CEP290: variants seen among roughly 807,000 people sequenced by gnomAD.
The protein encoded by CEP290 is centrosomal protein 290.
Under a neutral mutation model 344.9 loss-of-function variants are expected in CEP290, and 317 were observed. The ratio of observed to expected loss-of-function variants is 0.92; its 90% CI spans 0.84 to 1.01. The LOEUF is 1.01. Among genes scored for constraint, CEP290 ranks in the 50% least tolerant of loss-of-function variants. The probability of loss-of-function intolerance (pLI) is 0.00; values close to 1 mark genes in which losing one functional copy is unlikely to be tolerated. For synonymous variants in CEP290, 932 were observed against 895.8 expected, an observed-to-expected ratio of 1.04 and a Z score of -0.72; for missense variants, 2,754 against 2,761.4, an observed-to-expected ratio of 1.00 and a Z score of 0.06.
In CEP290 at chr12:88,049,331, G is replaced by C; in HGVS notation, c.7293C>G (p.Tyr2431Ter). ...FEEIEDLKYN[Y>*]KEEVKKNILL... ...GAATATTCTTCTTCACTTCTTCCTT[G>C]TAATTATACTTAAGATCTTCAATTT... The change falls in exon 54 of 54, where the codon TAC (tyrosine) becomes TAG (stop). Residue 2431 changes from tyrosine to a stop codon, truncating the protein, a stop_gained. Transcript: ENST00000552810. LOFTEE classifies it high-confidence loss of function. 1 of 1,585,552 alleles carries C rather than the reference G, an allele frequency of 6.3e-7. No homozygotes were observed. The highest frequency in any genetic ancestry group is 8.6e-7 in the Non-Finnish European group (1 of 1,160,882).
Position 88,120,055 on chromosome 12 carries a change from TAAAA to T in CEP290, c.1522+55_1522+58del, listed in dbSNP as rs202232715. 4 of 1,116,312 alleles carry T rather than the reference TAAAA, an allele frequency of 3.6e-6. No homozygotes were observed. In the African/African-American group the frequency reaches 4.9e-5, roughly 14 times the overall value. The allele number at this position is 1,116,312 out of a possible 1,614,324, so 69.2% of individuals were successfully genotyped here. On this transcript the variant is annotated intron_variant, in intron 15 of 53. Coordinates refer to ENST00000552810, the MANE Select transcript of CEP290 (RefSeq NM_025114.4). ...AAATAATAATAAACAAAATTTAAAT[TAAAA>T]AAAAAGACTTGTAAATCAGGTTGCG...
chr12:88,140,645 C>T (rs548690386), intron 3 of CEP290, among the ~76,000 whole-genome samples: 1 of 152,330 alleles, frequency 6.6e-6, no homozygotes, highest in South Asian at 2.1e-4. Context: ...TCTCTTAAAT[C>T]ATTTCCCCTC....
intron 29 of CEP290, among the ~76,000 whole-genome samples, chr12:88,091,512 G>A (rs773018464): frequency 6.6e-6 from 1 of 152,098 alleles, no homozygotes; most frequent in Non-Finnish European, 1.5e-5. Context: ...TCTTTGCTTT[G>A]GGTTAGAATA....
At position 88,053,677 on chromosome 12, in the gene CEP290, T is replaced by C. The variant is rs1176691356; in HGVS notation, c.7104A>G (p.Gln2368=). ...LIHQIEANKD[Q]SGAESTIPDA... Reference sequence around the variant, plus strand: ...CAGGTATGGTGCTTTCAGCTCCACTTTGGTCCTTGTTAGCTTCTATCTGAT... The same window carrying C: ...CAGGTATGGTGCTTTCAGCTCCACTCTGGTCCTTGTTAGCTTCTATCTGAT... The change falls in exon 52 of 54, where the codon CAA becomes CAG. Residue 2368 remains glutamine (Q), a synonymous_variant. Coordinates refer to ENST00000552810, the MANE Select transcript of CEP290 (RefSeq NM_025114.4). 8.4e-6 allele frequency: 13 copies of C among 1,545,450 alleles called. No individual in the cohort carries two copies. The highest frequency in any genetic ancestry group is 1.1e-5 in the Non-Finnish European group (13 of 1,139,918).
At chr12:88,074,670 G>A in intron 41 of CEP290, among the ~76,000 whole-genome samples, 1 of 152,174 alleles carries the variant, frequency 6.6e-6, no homozygotes, top group East Asian at 1.9e-4. Flanking sequence ...CCCTAAGGCA[G>A]GACTGTAATC....
At chr12:88,093,401 T>C (rs2037192585) in intron 28 of CEP290, among the ~76,000 whole-genome samples, 1 of 152,028 alleles carries the variant, frequency 6.6e-6, no homozygotes, top group South Asian at 2.1e-4. Context: ...TCCCTGAAAG[T>C]AGAGATTATT....
Position 88,071,337 on chromosome 12 carries a change from T to C in CEP290, c.5968A>G (p.Lys1990Glu). 8.1e-6 allele frequency: 13 copies of C among 1,608,762 alleles called. No individual in the cohort carries two copies. The highest frequency in any genetic ancestry group is 1.1e-5 in the Non-Finnish European group (13 of 1,176,364). Residue 1990 changes from lysine (K) to glutamate (E), a missense_variant, in exon 43 of 54, where the codon AAA (lysine) becomes GAA (glutamate). Coordinates refer to ENST00000552810, the MANE Select transcript of CEP290 (RefSeq NM_025114.4). ...TTTTCTAAGTCAAGATTTCTCTTTT[T>C]TAATTCTTCCAATTCTTTTTCTGAC... ...LESEKELEEL[K>E]KRNLDLENDI...
chr12:88,050,338 TATA>T lies in CEP290; in HGVS notation c.7209+13_7209+15del. The T allele has an allele frequency of 7.7e-7, 1 of 1,292,138 alleles. No individual in the cohort carries two copies. The highest frequency in any genetic ancestry group is 2.4e-5 in the East Asian group (1 of 42,044). The allele number at this position is 1,292,138 out of a possible 1,614,324, so 80.0% of individuals were successfully genotyped here. ...CTGTTTTCACAAAACGATACTAAAATATAATTAAATATTACCTTCAAATGCTGC... is the reference window on the plus strand; with the variant it reads ...CTGTTTTCACAAAACGATACTAAAATATTAAATATTACCTTCAAATGCTGC... On this transcript the variant is annotated intron_variant, in intron 53 of 53. Coordinates refer to ENST00000552810, the MANE Select transcript of CEP290 (RefSeq NM_025114.4).
Position 88,086,431 on chromosome 12 carries a change from A to T in CEP290, c.4262T>A (p.Phe1421Tyr), listed in dbSNP as rs758212905. 2 of 1,599,564 alleles carry T rather than the reference A, an allele frequency of 1.3e-6. No homozygotes were observed. ...TAGTATTTCATTTTGCTGACGGTCAAAAATGTCTAGTTGGCGTTCCAGGTC... is the reference window on the plus strand; with the variant it reads ...TAGTATTTCATTTTGCTGACGGTCATAAATGTCTAGTTGGCGTTCCAGGTC... ...EVDLERQLDI[F>Y]DRQQNEILNA... Residue 1421 changes from phenylalanine to tyrosine, a missense_variant, in exon 33 of 54, where the codon TTT becomes TAT. Coordinates refer to ENST00000552810, the MANE Select transcript of CEP290 (RefSeq NM_025114.4).
intron 25 of CEP290, 70 bp from the exon 26 acceptor site, chr12:88,103,081 G>A: frequency 1.1e-6 from 1 of 910,094 alleles, no homozygotes; most frequent in Non-Finnish European, 1.5e-6. Flanking sequence ...CCACTTTTGA[G>A]AAAGATAATA....
intron 41 of CEP290, among the ~76,000 whole-genome samples, chr12:88,075,883 G>A (rs552963989): frequency 2.0e-5 from 3 of 152,152 alleles, no homozygotes; most frequent in South Asian, 2.1e-4. Flanking sequence ...AAAGACTTCC[G>A]CATATCATAT....
At position 88,077,924 on chromosome 12, in the gene CEP290, AAG is replaced by A. The variant is rs1412134616; in HGVS notation, c.5365-8_5365-7del. The A allele has an allele frequency of 1.7e-6, 2 of 1,198,130 alleles. No individual in the cohort carries two copies. Among genetic ancestry groups the A allele is most frequent in the Non-Finnish European group, 2.3e-6 (2 of 857,508 alleles). The allele number at this position is 1,198,130 out of a possible 1,614,324, so 74.2% of individuals were successfully genotyped here. A position where few individuals can be genotyped will look rare whatever the true frequency, so the allele number is the denominator to read the frequency against. ...TTTAAATCTTCAACTTGTGTCTAAT[AAG>A]AGAAAAAGAAAGGTATTATTCATGA... is the stretch of plus-strand genomic sequence containing the variant. On this transcript the variant is annotated splice_region_variant and splice_polypyrimidine_tract_variant and intron_variant, in intron 39 of 53. Transcript: ENST00000552810.
At chr12:88,106,137 T>C (rs917818185) in intron 25 of CEP290, among the ~76,000 whole-genome samples, 6 of 152,178 alleles carry the variant, frequency 3.9e-5, no homozygotes, top group African/African-American at 1.4e-4. Flanking sequence ...ATATAAAGTA[T>C]AGAACACTAC....
chr12:88,077,688 T>C lies in CEP290; in HGVS notation c.5586+9A>G, dbSNP rs746293904. 1.1e-5 allele frequency: 16 copies of C among 1,447,588 alleles called. No individual in the cohort carries two copies. In the South Asian group the frequency reaches 1.5e-4, roughly 14 times the overall value. 89.7% of individuals were successfully genotyped at this position (1,447,588 alleles called of 1,614,324 possible). The stretch of plus-strand genomic sequence containing the variant: ...AATCAGACATTATCAGAGTTAAATA[T>C]AAAATTACCTGTAATCCACTGGTTA... On this transcript the variant is annotated intron_variant, in intron 40 of 53. Transcript: ENST00000552810.
At position 88,050,392 on chromosome 12, in the gene CEP290, G is replaced by A. The variant is rs773633982; in HGVS notation, c.7171C>T (p.Gln2391Ter). Residue 2391 changes from glutamine (Q) to a stop codon, truncating the protein, a stop_gained, in exon 53 of 54, where the codon CAG becomes TAG. Coordinates refer to ENST00000552810, the MANE Select transcript of CEP290 (RefSeq NM_025114.4). LOFTEE classifies it high-confidence loss of function. Reference sequence around the variant, plus strand: ...TTTTCTAGATCTGACATTTTGAGCTGTGTCTCTAGATCTTTTATTTTTTCC... The same window carrying A: ...TTTTCTAGATCTGACATTTTGAGCTATGTCTCTAGATCTTTTATTTTTTCC... Reference protein sequence around the residue: ...LKEKIKDLETQLKMSDLEKQH... With the variant: ...LKEKIKDLET 4 of 1,562,616 alleles carry A rather than the reference G, an allele frequency of 2.6e-6. No individual in the cohort carries two copies. The highest frequency in any genetic ancestry group is 1.8e-6 in the Non-Finnish European group (2 of 1,142,838).
chr12:88,078,329 A>G (rs1444182560), intron 39 of CEP290, among the ~76,000 whole-genome samples: 1 of 152,150 alleles, frequency 6.6e-6, no homozygotes, highest in African/African-American at 2.4e-5. Flanking sequence ...CTAGTTTACA[A>G]AGATAAGATA....
chr12:88,107,342 C>T (rs1175181402), intron 23 of CEP290, among the ~76,000 whole-genome samples: 2 of 151,984 alleles, frequency 1.3e-5, no homozygotes, highest in Non-Finnish European at 2.9e-5. Context: ...CCCTGATTCA[C>T]CACTAAATGG....
At chr12:88,114,742 C>G (rs530020336) in intron 19 of CEP290, among the ~76,000 whole-genome samples, 180 bp from the exon 20 acceptor site, 1 of 152,022 alleles carries the variant, frequency 6.6e-6, no homozygotes, top group African/African-American at 2.4e-5. Context: ...AAATGACAGA[C>G]CTATTTATAT....
At position 88,063,991 on chromosome 12, in the gene CEP290, G is replaced by A. The variant is rs763168782; in HGVS notation, c.6260C>T (p.Pro2087Leu). Residue 2087 changes from proline (P) to leucine (L), a missense_variant, in exon 45 of 54, where the codon CCA becomes CTA. Physicochemically the swap from Pro to Leu is moderately conservative, Grantham distance 98 (BLOSUM62 -3). Coordinates refer to ENST00000552810, the MANE Select transcript of CEP290 (RefSeq NM_025114.4). ...AAACATTAAATTCACCTTTAATCTT[G>A]GCAAATCTTTATTTGCTTGTTCAAG... Reference protein sequence around the residue: ...FQLEQANKDLPRLKNQVRDLK... With the variant: ...FQLEQANKDLLRLKNQVRDLK... The A allele has an allele frequency of 1.3e-6, 2 of 1,594,830 alleles. No individual in the cohort carries two copies. Among genetic ancestry groups the A allele is most frequent in the East Asian group, 4.5e-5 (2 of 44,430 alleles).
Sources: allele counts gnomAD v4.1 joint callset (sites outside exome capture counted in the v4.1 genomes callset), GRCh38; gene constraint gnomAD v4.1.1; transcripts MANE v1.5; gene names NCBI Gene and HGNC (gene_info 2026-07-23, HGNC 2026-07-21).